SMG6: variants seen among roughly 807,000 people sequenced by gnomAD.
The protein encoded by SMG6 is telomerase-binding protein EST1A.
Under a neutral mutation model 142.2 loss-of-function variants are expected in SMG6, and 66 were observed. The ratio of observed to expected loss-of-function variants is 0.46; its 90% confidence interval spans 0.38 to 0.57. SMG6 has a LOEUF of 0.57. Among genes scored for constraint, SMG6 ranks in the 20% least tolerant of loss-of-function variants. The pLI, the probability that SMG6 is intolerant of heterozygous loss-of-function variation, is 0.00. For synonymous variants in SMG6, 779 were observed against 702.4 expected (o/e 1.11, Z -1.72); for missense variants, 1,793 against 1,832.0 (o/e 0.98, Z 0.39).
intron 9 of SMG6, 134 bp downstream of exon 9, chr17:2,244,524 A>G (rs1452462432): frequency 6.2e-6 from 4 of 649,592 alleles, no homozygotes; most frequent in Non-Finnish European, 1.1e-5. Context: ...TGAAGGGAAG[A>G]GAAGAGAAGG....
At chr17:2,116,528 T>C (rs2069511870) in intron 13 of SMG6, among the ~76,000 whole-genome samples, 1 of 152,068 alleles carries the variant, frequency 6.6e-6, no homozygotes, top group Non-Finnish European at 1.5e-5. Flanking sequence ...CAGGAGTTCC[T>C]TGAGGTCAGG....
chr17:2,125,102 G>A (rs930514734), intron 13 of SMG6, among the ~76,000 whole-genome samples: 3 of 152,142 alleles, frequency 2.0e-5, no homozygotes, highest in Non-Finnish European at 4.4e-5. Flanking sequence ...TCCTGCCAGA[G>A]CAGAGTCTAC....
rs72817593 is a variant in SMG6 at position 2,200,522 on chromosome 17, G to T, written c.2870-12007C>A. ...ATCCCTCCCCTTCCCCCAAACCCAC[G>T]ACAGAAAAAAAAAAAAAACTTTTTG... On this transcript the variant is annotated intron_variant, in intron 10 of 18. Coordinates refer to ENST00000263073, the MANE Select transcript of SMG6 (RefSeq NM_017575.5). 2.3e-5 allele frequency among the ~76,000 whole-genome samples: 3 copies of T among 128,934 alleles called. No homozygotes were observed. The South Asian group carries it at 7.9e-4, about 34-fold the overall frequency. The allele number at this position is 128,934 out of a possible 152,430, so 84.6% of individuals were successfully genotyped here. A position where few individuals can be genotyped will look rare whatever the true frequency, so the allele number is the denominator to read the frequency against.
chr17:2,152,968 T>G (rs1261897861), intron 13 of SMG6, among the ~76,000 whole-genome samples: 1 of 152,204 alleles, frequency 6.6e-6, no homozygotes, highest in Admixed American at 6.5e-5. Flanking sequence ...TCATAGTGTA[T>G]GTATACAATG....
intron 8 of SMG6, among the ~76,000 whole-genome samples, chr17:2,267,754 T>G (rs575121019): frequency 6.9e-6 from 1 of 145,630 alleles, no homozygotes; most frequent in African/African-American, 2.5e-5. Flanking sequence ...TATTATTATT[T>G]TTTTTTTTTT....
intron 18 of SMG6, chr17:2,062,315 G>A (rs990938371): frequency 2.6e-5 from 4 of 152,280 alleles, no homozygotes; most frequent in East Asian, 1.9e-4. Context: ...CCAGTTCTCC[G>A]TCTTGTACCC....
chr17:2,135,507 T>C (rs1044835007), intron 13 of SMG6, among the ~76,000 whole-genome samples: 1 of 152,176 alleles, frequency 6.6e-6, no homozygotes, highest in Admixed American at 6.6e-5. Flanking sequence ...AACTGAGTTA[T>C]ACTTAGTGAC....
Position 2,300,730 on chromosome 17 carries a change from G to A in SMG6, c.89-66C>T, listed in dbSNP as rs79387898. ...GATAAGAATAAAGAAGGAAGATAGG[G>A]GAAAGACTGTCATTCTGGTTAAGTA... is the stretch of plus-strand genomic sequence containing the variant. On this transcript the variant is annotated intron_variant, in intron 1 of 18. Coordinates refer to ENST00000263073, the MANE Select transcript of SMG6 (RefSeq NM_017575.5). 7,653 of 1,395,146 alleles carry A rather than the reference G, an allele frequency of 5.5e-3. 317 individuals are homozygous for A. The African/African-American group carries it at 0.096, about 18-fold the overall frequency. The allele number at this position is 1,395,146 out of a possible 1,614,324, so 86.4% of individuals were successfully genotyped here. A position where few individuals can be genotyped will look rare whatever the true frequency, so the allele number is the denominator to read the frequency against.
chr17:2,218,500 C>T lies in SMG6; in HGVS notation c.2869+17992G>A, dbSNP rs183158973. ...GGCAGAGCTTGCAGTGAGCCTAGAT[C>T]GCACCACTGCACTCCAGCCTGAGCG... On this transcript the variant is annotated intron_variant, in intron 10 of 18. Transcript: ENST00000263073. Among the ~76,000 whole-genome samples the T allele has an allele frequency of 3.3e-3, 503 of 152,144 alleles. 11 individuals are homozygous for T. The highest frequency in any genetic ancestry group is 2.9e-3 in the South Asian group (14 of 4,816).
At chr17:2,075,858 G>A (rs927033390) in intron 15 of SMG6, among the ~76,000 whole-genome samples, 3 of 152,202 alleles carry the variant, frequency 2.0e-5, no homozygotes, top group African/African-American at 7.2e-5. Context: ...AGCATCCAGG[G>A]GCCTGCCTGG....
intron 13 of SMG6, among the ~76,000 whole-genome samples, chr17:2,102,011 A>T (rs2069021567): frequency 6.6e-6 from 1 of 152,050 alleles, no homozygotes; most frequent in Non-Finnish European, 1.5e-5. Context: ...TGAAGACTGA[A>T]CTCTTCTGGG....
chr17:2,159,238 T>C (rs2071101153), intron 13 of SMG6, among the ~76,000 whole-genome samples: 3 of 152,128 alleles, frequency 2.0e-5, no homozygotes, highest in Admixed American at 6.6e-5. Flanking sequence ...CTGGCCAACA[T>C]GGTGAAACCC....
intron 10 of SMG6, among the ~76,000 whole-genome samples, chr17:2,209,779 C>T (rs983761837): frequency 1.3e-5 from 2 of 152,296 alleles, no homozygotes; most frequent in Admixed American, 6.5e-5. Context: ...GGATTACAGG[C>T]GTGAGGCACC....
chr17:2,224,084 A>G (rs988848994), intron 10 of SMG6, among the ~76,000 whole-genome samples: 1 of 152,226 alleles, frequency 6.6e-6, no homozygotes, highest in African/African-American at 2.4e-5. Context: ...TCTTTTTGAA[A>G]AGCATTCGTG....
intron 16 of SMG6, among the ~76,000 whole-genome samples, chr17:2,066,330 G>A (rs571511970): frequency 6.6e-6 from 1 of 151,952 alleles, no homozygotes; most frequent in African/African-American, 2.4e-5. Context: ...GTACATGTGT[G>A]TATGTGTATG....
intron 10 of SMG6, among the ~76,000 whole-genome samples, chr17:2,200,477 T>G (rs1286120974): frequency 6.6e-6 from 1 of 151,628 alleles, no homozygotes; most frequent in African/African-American, 2.4e-5. Context: ...TCATTTACAT[T>G]GGGTGTATCT....
At position 2,085,987 on chromosome 17, in the gene SMG6, A is replaced by G. The variant is rs1183673476; in HGVS notation, c.3358-86T>C. The G allele has an allele frequency of 4.3e-6, 6 of 1,380,316 alleles. No homozygotes were observed. The highest frequency in any genetic ancestry group is 5.1e-6 in the Non-Finnish European group (5 of 974,050). 85.5% of individuals were successfully genotyped at this position (1,380,316 alleles called of 1,614,324 possible). On this transcript the variant is annotated intron_variant, in intron 13 of 18. Transcript: ENST00000263073. This position sits in a 1 kb window ranked among gnomAD's most constrained non-coding sequence, Gnocchi z 4.1. ...ATGTTGCTTGCCGGCTGAGGGGCAC[A>G]GGGGAACTGTGTCAAAGCTACCAGG...
intron 13 of SMG6, among the ~76,000 whole-genome samples, chr17:2,115,522 A>C (rs942433318): frequency 6.6e-6 from 1 of 152,210 alleles, no homozygotes; most frequent in Non-Finnish European, 1.5e-5. Context: ...AAGAAGATAC[A>C]GTATAGAAAT....
At chr17:2,281,705 T>G (rs1271151560) in intron 8 of SMG6, among the ~76,000 whole-genome samples, 2 of 152,220 alleles carry the variant, frequency 1.3e-5, no homozygotes, top group African/African-American at 4.8e-5. Flanking sequence ...CCTACTATTT[T>G]CAGGATAAAG....
Sources: allele counts gnomAD v4.1 joint callset (sites outside exome capture counted in the v4.1 genomes callset), GRCh38; gene constraint gnomAD v4.1.1; non-coding constraint Gnocchi (gnomAD v3.1); transcripts MANE v1.5; gene names NCBI Gene and HGNC (gene_info 2026-07-23, HGNC 2026-07-21).